CTNND2: variants seen among roughly 807,000 people sequenced by gnomAD.
CTNND2 encodes catenin delta 2.
CTNND2 carries 22 observed loss-of-function variants against 144.4 expected under a neutral mutation model. That is an observed-to-expected ratio of 0.15 (90% CI 0.11 to 0.22). The LOEUF (loss-of-function observed/expected upper bound fraction) is 0.22, where lower values mean the gene tolerates loss of function less well. CTNND2 is among the 10% of genes least tolerant of loss of function. The probability of loss-of-function intolerance (pLI) is 1.00; values close to 1 mark genes in which losing one functional copy is unlikely to be tolerated. For missense variants in CTNND2, 1,353 were observed against 1,618.8 expected, an observed-to-expected ratio of 0.84 and a Z score of 2.82; for synonymous variants, 751 against 695.6, an observed-to-expected ratio of 1.08 and a Z score of -1.25.
chr5:11,491,449 T>C (rs530978317), intron 3 of CTNND2, among the ~76,000 whole-genome samples: 1 of 152,356 alleles, frequency 6.6e-6, no homozygotes, highest in East Asian at 1.9e-4. Flanking sequence ...ATCCCCATTT[T>C]ATGGAAGAGT....
rs1050139748 is a variant in CTNND2, at chr5:11,711,384, T to A, written c.174+20752A>T. On this transcript the variant is annotated intron_variant, in intron 2 of 21. Coordinates refer to ENST00000304623, the MANE Select transcript of CTNND2 (RefSeq NM_001332.4). ...CTGGCCTAATTTGATAGCATTTTTTTATATATATTTAATCGGCATAGTCCT... is the reference window on the plus strand; with the variant it reads ...CTGGCCTAATTTGATAGCATTTTTTAATATATATTTAATCGGCATAGTCCT... Among the ~76,000 whole-genome samples the A allele has an allele frequency of 6.6e-5, 10 of 152,280 alleles. No individual in the cohort carries two copies. The South Asian group carries it at 1.0e-3, about 16-fold the overall frequency.
chr5:11,342,233 A>G (rs1754348421), intron 9 of CTNND2, among the ~76,000 whole-genome samples: 1 of 152,216 alleles, frequency 6.6e-6, no homozygotes, highest in African/African-American at 2.4e-5. Context: ...TAAAGTGTCC[A>G]ACAATAAGAT....
intron 3 of CTNND2, among the ~76,000 whole-genome samples, chr5:11,552,654 C>G (rs1419399886): frequency 6.6e-6 from 1 of 152,116 alleles, no homozygotes; most frequent in East Asian, 1.9e-4. Flanking sequence ...GCTGCCAAGA[C>G]CACAATCTTC....
chr5:11,662,225 G>GTATATGTGTA (rs1783290528), intron 2 of CTNND2, among the ~76,000 whole-genome samples: 1 of 135,526 alleles, frequency 7.4e-6, no homozygotes, highest in African/African-American at 2.9e-5. Context: ...ACATATATGT[G>GTATATGTGTA]TATATATGTA....
At chr5:11,246,166 G>T (rs926362707) in intron 9 of CTNND2, among the ~76,000 whole-genome samples, 2 of 152,176 alleles carry the variant, frequency 1.3e-5, no homozygotes, top group African/African-American at 4.8e-5. Context: ...GCTGACTTTC[G>T]ATTGGTCACT....
In CTNND2 at chr5:11,542,008, A is replaced by AT. The variant is rs531163566; in HGVS notation, c.287+22935dup. ...GTCCTCCCCAATTAAAAAAAAAACT[A>AT]TTTTTGTCCCCGTAGGGACATCATC... On this transcript the variant is annotated intron_variant, in intron 3 of 21. Coordinates refer to ENST00000304623, the MANE Select transcript of CTNND2 (RefSeq NM_001332.4). Among the ~76,000 whole-genome samples the AT allele has an allele frequency of 1.7e-4, 26 of 152,082 alleles. 1 individual carries two copies. The South Asian group carries it at 5.0e-3, about 29-fold the overall frequency.
intron 10 of CTNND2, among the ~76,000 whole-genome samples, chr5:11,230,686 C>A (rs953022168): frequency 6.6e-6 from 1 of 152,198 alleles, no homozygotes; most frequent in African/African-American, 2.4e-5. Flanking sequence ...CACTTTATTC[C>A]TTCTCCTTCT....
chr5:11,191,139 G>A (rs983676066), intron 11 of CTNND2, among the ~76,000 whole-genome samples: 2 of 152,176 alleles, frequency 1.3e-5, no homozygotes, highest in Non-Finnish European at 2.9e-5. Context: ...GGCCTGCAGT[G>A]CACACAGCAG....
At chr5:11,408,867 TATC>T (rs1374805373) in intron 5 of CTNND2, among the ~76,000 whole-genome samples, 1 of 151,972 alleles carries the variant, frequency 6.6e-6, no homozygotes, top group African/African-American at 2.4e-5. Context: ...CAGAAAAAAA[TATC>T]ATCTATTTAT....
chr5:11,215,332 T>C (rs536781170), intron 10 of CTNND2, among the ~76,000 whole-genome samples: 1 of 152,350 alleles, frequency 6.6e-6, no homozygotes, highest in South Asian at 2.1e-4. Context: ...CAGCTTTATC[T>C]TTTTATTTCA....
chr5:11,074,424 G>A (rs61750305), intron 16 of CTNND2, among the ~76,000 whole-genome samples: 16,580 of 152,134 alleles, frequency 0.11, 1,155 homozygotes, highest in Non-Finnish European at 0.15. Flanking sequence ...GAATTTAGAC[G>A]GACTTTGAGG....
intron 1 of CTNND2, among the ~76,000 whole-genome samples, chr5:11,830,838 C>A (rs1227820325): frequency 6.6e-6 from 1 of 151,350 alleles, no homozygotes; most frequent in Non-Finnish European, 1.5e-5. Flanking sequence ...CTGATGTGGC[C>A]CACTCTTTCC....
chr5:11,864,440 A>G (rs1028908182), intron 1 of CTNND2, among the ~76,000 whole-genome samples: 3 of 152,206 alleles, frequency 2.0e-5, no homozygotes, highest in African/African-American at 7.2e-5. Flanking sequence ...TGATCATCTT[A>G]CAACCAAAGG....
chr5:11,511,427 G>A (rs1771634061), intron 3 of CTNND2, among the ~76,000 whole-genome samples: 1 of 152,108 alleles, frequency 6.6e-6, no homozygotes, highest in Non-Finnish European at 1.5e-5. Flanking sequence ...AGGGCTGGGA[G>A]GGGAGAAGGT....
At chr5:11,376,440 C>T (rs991132625) in intron 7 of CTNND2, among the ~76,000 whole-genome samples, 7 of 151,638 alleles carry the variant, frequency 4.6e-5, no homozygotes, top group Non-Finnish European at 2.9e-5. Context: ...TAACTCTTTC[C>T]AATTCCTCAG....
intron 15 of CTNND2, among the ~76,000 whole-genome samples, chr5:11,091,802 T>G (rs1476744299): frequency 6.6e-6 from 1 of 152,186 alleles, no homozygotes; most frequent in Non-Finnish European, 1.5e-5. Context: ...CACCCCCACA[T>G]GAGTGTCCGA....
chr5:11,309,041 C>T (rs547214973), intron 9 of CTNND2, among the ~76,000 whole-genome samples: 51 of 152,340 alleles, frequency 3.3e-4, no homozygotes, highest in African/African-American at 1.2e-3. Flanking sequence ...AATCAAACTT[C>T]GTGATCCAAT....
chr5:11,117,605 T>C, intron 12 of CTNND2, 38 bp from the exon 13 acceptor site: 1 of 1,528,256 alleles, frequency 6.5e-7, no homozygotes. Flanking sequence ...TCTTCACGGT[T>C]GTCACCAAAA....
intron 2 of CTNND2, among the ~76,000 whole-genome samples, chr5:11,594,038 C>T (rs534847808): frequency 4.6e-5 from 7 of 152,150 alleles, no homozygotes; most frequent in Non-Finnish European, 1.0e-4. Flanking sequence ...GATAAACATA[C>T]TCTGTTTCTC....
Sources: gnomAD v4.1 joint callset for allele counts (sites outside exome capture counted in the v4.1 genomes callset) on GRCh38, gnomAD v4.1.1 for gene constraint, MANE v1.5 for transcripts, NCBI Gene and HGNC (gene_info 2026-07-23, HGNC 2026-07-21) for gene names.